USP20: variants seen among roughly 807,000 people sequenced by gnomAD.
The protein encoded by USP20 is ubiquitin carboxyl-terminal hydrolase 20.
USP20 carries 80 observed loss-of-function variants against 124.2 expected under a neutral mutation model. That is an observed-to-expected ratio of 0.64 (90% CI 0.54 to 0.78). The LOEUF (loss-of-function observed/expected upper bound fraction) is 0.78. Among genes scored for constraint, USP20 ranks in the 30% least tolerant of loss-of-function variants. The pLI, the probability that USP20 is intolerant of heterozygous loss-of-function variation, is 0.00. For missense variants in USP20, 1,043 were observed against 1,244.4 expected, an observed-to-expected ratio of 0.84 and a Z score of 2.44; for synonymous variants, 481 against 512.3, an observed-to-expected ratio of 0.94 and a Z score of 0.83.
chr9:129,871,300 A>G (rs1373060906), intron 15 of USP20, among the ~76,000 whole-genome samples: 1 of 150,322 alleles, frequency 6.7e-6, no homozygotes. Flanking sequence ...GCTTTTACTG[A>G]GCATAACGTC....
intron 1 of USP20, among the ~76,000 whole-genome samples, chr9:129,847,964 C>G (rs182584739): frequency 1.3e-5 from 2 of 148,348 alleles, no homozygotes; most frequent in East Asian, 3.9e-4. Flanking sequence ...GAGCAAGACT[C>G]TGCACCACAC....
Position 129,839,400 on chromosome 9 carries a change from A to G in USP20, c.-129+3901A>G, listed in dbSNP as rs2032061790. On this transcript the variant is annotated intron_variant, in intron 1 of 25. Coordinates refer to ENST00000372429, the MANE Select transcript of USP20 (RefSeq NM_001110303.4). This position sits in a 1 kb window ranked among gnomAD's most constrained non-coding sequence, Gnocchi z 4.5. ...GGAGACACAGAAGTGTGTGGGCAGC[A>G]GAGACTGTGGAAGTGTGGAGGCATG... Among the ~76,000 whole-genome samples, 1 of 152,140 alleles carries G rather than the reference A, an allele frequency of 6.6e-6. No homozygotes were observed. The highest frequency in any genetic ancestry group is 1.5e-5 in the Non-Finnish European group (1 of 68,026).
In USP20 at chr9:129,868,452, A is replaced by G; in HGVS notation, c.1135+3A>G. 4 of 1,608,572 alleles carry G rather than the reference A, an allele frequency of 2.5e-6. No homozygotes were observed. The highest frequency in any genetic ancestry group is 3.4e-6 in the Non-Finnish European group (4 of 1,177,026). ...CTCCAGCCCCTGCCGGACGCCAGGT[A>G]TCAGCTGGCCGGGGACTGCGGGAGG... On this transcript the variant is annotated splice_donor_region_variant and intron_variant, in intron 11 of 25. Transcript: ENST00000372429.
chr9:129,867,282 C>G (rs1271566222), intron 10 of USP20, among the ~76,000 whole-genome samples: 1 of 152,228 alleles, frequency 6.6e-6, no homozygotes. Flanking sequence ...CTGGGCGCCT[C>G]TGCCCGAGCC....
intron 1 of USP20, among the ~76,000 whole-genome samples, chr9:129,849,441 A>G (rs1182828420): frequency 6.6e-6 from 1 of 152,046 alleles, no homozygotes; most frequent in Non-Finnish European, 1.5e-5. Flanking sequence ...TTTAGCTTCT[A>G]GTTGGTGCTA....
chr9:129,860,944 C>T lies in USP20; in HGVS notation c.338C>T (p.Pro113Leu), dbSNP rs772434088. The T allele has an allele frequency of 2.5e-5, 40 of 1,613,042 alleles. No individual in the cohort carries two copies. Among genetic ancestry groups the T allele is most frequent in the Non-Finnish European group, 3.1e-5 (36 of 1,179,208 alleles). ...SSSKFSEQDSPPPSHPLKAVP... is the reference protein window; with the variant it reads ...SSSKFSEQDSLPPSHPLKAVP... ...TTTGGGTCTTTAACACAGGACTCCCCGCCACCCTCCCACCCTCTGAAAGCT... is the reference window on the plus strand; with the variant it reads ...TTTGGGTCTTTAACACAGGACTCCCTGCCACCCTCCCACCCTCTGAAAGCT... Residue 113 changes from proline to leucine, a missense_variant, in exon 7 of 26, where the codon CCG (proline) becomes CTG (leucine). By Grantham distance (98) the Pro-to-Leu change is moderately conservative. Transcript: ENST00000372429.
At chr9:129,861,192 G>A (rs1286035085) in intron 7 of USP20, among the ~76,000 whole-genome samples, 159 bp downstream of exon 7, 1 of 152,216 alleles carries the variant, frequency 6.6e-6, no homozygotes, top group African/African-American at 2.4e-5. Context: ...CTTCACCCCA[G>A]AAGTTGGCTG....
At position 129,874,754 on chromosome 9, in the gene USP20, G is replaced by T. The variant is rs1181836731; in HGVS notation, c.1919G>T (p.Gly640Val). 1.2e-6 allele frequency: 2 copies of T among 1,613,838 alleles called. No individual in the cohort carries two copies. Among genetic ancestry groups the T allele is most frequent in the South Asian group, 2.2e-5 (2 of 91,074 alleles). The change falls in exon 18 of 26, where the codon GGC becomes GTC. Residue 640 changes from glycine to valine, a missense_variant and splice_region_variant. Coordinates refer to ENST00000372429, the MANE Select transcript of USP20 (RefSeq NM_001110303.4). ...LSVICHHGTA[G>V]SGHYIAYCQN... is the part of the protein sequence containing the mutation. ...GTCATCTGCCACCACGGCACGGCAG[G>T]CAGTGAGTCATGTCCCCTCCCCTGC...
intron 6 of USP20, among the ~76,000 whole-genome samples, chr9:129,859,973 A>G (rs1340154778): frequency 6.6e-6 from 1 of 152,136 alleles, no homozygotes; most frequent in Non-Finnish European, 1.5e-5. Flanking sequence ...TCAAGGTTGC[A>G]GTGAGCTATA....
intron 16 of USP20, 82 bp from the exon 17 acceptor site, chr9:129,873,611 TTCCCAG>T (rs1220573954): frequency 3.1e-6 from 5 of 1,613,236 alleles, no homozygotes; most frequent in Non-Finnish European, 4.2e-6. Flanking sequence ...TAATCCTGCC[TTCCCAG>T]AAGGGAGCCG....
intron 8 of USP20, 127 bp from the exon 9 acceptor site, chr9:129,863,059 A>T: frequency 1.8e-6 from 1 of 550,786 alleles, no homozygotes; most frequent in Non-Finnish European, 3.0e-6. Flanking sequence ...CACCTTCAGG[A>T]GTTTCTGGGT....
chr9:129,863,966 T>C (rs1479618786), intron 9 of USP20, among the ~76,000 whole-genome samples: 4 of 151,370 alleles, frequency 2.6e-5, no homozygotes, highest in African/African-American at 4.9e-5. Context: ...ATTAGCTGGG[T>C]GTGGTGGCGT....
intron 9 of USP20, 57 bp downstream of exon 9, chr9:129,863,356 G>A: frequency 1.4e-6 from 2 of 1,380,250 alleles, no homozygotes; most frequent in Non-Finnish European, 2.0e-6. Context: ...TTTCCTGTCA[G>A]CACCCATGAT....
chr9:129,863,210 G>C lies in USP20; in HGVS notation c.522G>C (p.Leu174Phe), dbSNP rs780330637. The C allele has an allele frequency of 7.8e-6, 12 of 1,545,894 alleles. No individual in the cohort carries two copies. In the South Asian group the frequency reaches 1.4e-4, roughly 18 times the overall value. Residue 174 changes from leucine to phenylalanine, a missense_variant, in exon 9 of 26, where the codon TTG becomes TTC. Coordinates refer to ENST00000372429, the MANE Select transcript of USP20 (RefSeq NM_001110303.4). ...GCCCGCCGCTGACTCAGTTCTTCTT[G>C]GAGTGTGGCGGCCTGGTGCGCACAG... ...SNCPPLTQFF[L>F]ECGGLVRTDK...
chr9:129,871,638 C>T (rs2034133271), intron 15 of USP20, among the ~76,000 whole-genome samples: 1 of 152,208 alleles, frequency 6.6e-6, no homozygotes, highest in Non-Finnish European at 1.5e-5. Context: ...TCGTCGTCCA[C>T]ACTCATTTTG....
At chr9:129,873,651 C>G (rs771558787) in intron 16 of USP20, 48 bp from the exon 17 acceptor site, 2 of 1,613,878 alleles carry the variant, frequency 1.2e-6, no homozygotes, top group South Asian at 1.1e-5. Flanking sequence ...TTCCCTGGCC[C>G]CTGGCCCTGA....
chr9:129,845,499 A>C (rs2032487863), intron 1 of USP20, among the ~76,000 whole-genome samples: 1 of 152,168 alleles, frequency 6.6e-6, no homozygotes, highest in Non-Finnish European at 1.5e-5. Context: ...GAGAGAGGGG[A>C]CTTCTGAGAG....
chr9:129,869,927 C>T (rs2034034282), intron 14 of USP20, 83 bp downstream of exon 14: 1 of 1,528,276 alleles, frequency 6.5e-7, no homozygotes, highest in Non-Finnish European at 8.9e-7. Flanking sequence ...ACAGTGAAGT[C>T]CATGCATTTG....
chr9:129,841,996 G>A (rs1564194676), intron 1 of USP20, among the ~76,000 whole-genome samples: 1 of 152,260 alleles, frequency 6.6e-6, no homozygotes, highest in East Asian at 1.9e-4. Context: ...AGAACAGCCA[G>A]TGACACAAAT....
Sources: gnomAD v4.1 joint callset for allele counts (sites outside exome capture counted in the v4.1 genomes callset) on GRCh38, gnomAD v4.1.1 for gene constraint, Gnocchi (gnomAD v3.1) non-coding constraint, MANE v1.5 for transcripts, NCBI Gene and HGNC (gene_info 2026-07-23, HGNC 2026-07-21) for gene names.